Variants in MAST4 observed in about 807,000 individuals in gnomAD.
The protein encoded by MAST4 is microtubule-associated serine/threonine-protein kinase 4.
In MAST4, 89 loss-of-function variants were observed where a neutral mutation model predicts 162.7. The ratio of observed to expected loss-of-function variants is 0.55; its 90% CI spans 0.46 to 0.65. The LOEUF is 0.65. MAST4 is among the 30% of genes least tolerant of loss of function. The pLI is 0.00. For synonymous variants in MAST4, 1,479 were observed against 1,361.1 expected, an observed-to-expected ratio of 1.09 and a Z score of -1.91; for missense variants, 3,153 against 3,374.0, an observed-to-expected ratio of 0.93 and a Z score of 1.62.
intron 1 of MAST4, among the ~76,000 whole-genome samples, chr5:66,670,980 ACAAC>A (rs1389152001): frequency 6.6e-6 from 1 of 152,160 alleles, no homozygotes; most frequent in Non-Finnish European, 1.5e-5. Flanking sequence ...CCTCCTTGAC[ACAAC>A]CATTTTTACA....
chr5:66,613,982 A>C (rs1422520947), intron 1 of MAST4, among the ~76,000 whole-genome samples: 1 of 152,218 alleles, frequency 6.6e-6, no homozygotes, highest in East Asian at 1.9e-4. Flanking sequence ...AGCCATGCAA[A>C]TTTATAAAGC....
chr5:67,135,771 G>A (rs1769558305), intron 18 of MAST4, among the ~76,000 whole-genome samples: 1 of 152,166 alleles, frequency 6.6e-6, no homozygotes, highest in Non-Finnish European at 1.5e-5. Flanking sequence ...GATGCCTTAC[G>A]GCTCAGATGC....
At chr5:66,898,834 C>T (rs1032447320) in intron 3 of MAST4, among the ~76,000 whole-genome samples, 8 of 152,192 alleles carry the variant, frequency 5.3e-5, no homozygotes, top group African/African-American at 1.7e-4. Flanking sequence ...GCTCTCCTCC[C>T]CTCTGGTCTG....
rs182669101 is a variant in MAST4 at position 66,886,707 on chromosome 5, A to G, written c.643-13244A>G. The stretch of plus-strand genomic sequence containing the variant: ...GATCTAGTATGCTTTTTATTTTTCA[A>G]AAGAAGAACTTGGTTAGTGTAATAG... On this transcript the variant is annotated intron_variant, in intron 3 of 28. Coordinates refer to ENST00000403625, the MANE Select transcript of MAST4 (RefSeq NM_001164664.2). 3.3e-5 allele frequency among the ~76,000 whole-genome samples: 5 copies of G among 149,398 alleles called. No individual in the cohort carries two copies. In the Admixed American group the frequency reaches 3.4e-4, roughly 10 times the overall value.
At chr5:66,664,359 CG>C (rs1449230988) in intron 1 of MAST4, among the ~76,000 whole-genome samples, 9 of 147,622 alleles carry the variant, frequency 6.1e-5, no homozygotes, top group African/African-American at 2.3e-4. Context: ...CGCTTGAACC[CG>C]GGCGACGGAG....
chr5:66,970,418 A>G (rs1194486701), intron 4 of MAST4, among the ~76,000 whole-genome samples: 3 of 152,220 alleles, frequency 2.0e-5, no homozygotes, highest in Admixed American at 6.5e-5. Context: ...CTCATCTTCT[A>G]TAAACTTGCA....
At chr5:66,911,573 C>T (rs1001969727) in intron 4 of MAST4, among the ~76,000 whole-genome samples, 2 of 54,506 alleles carry the variant, frequency 3.7e-5, no homozygotes, top group Non-Finnish European at 8.9e-5. Context: ...CCCCCCCCCC[C>T]CCGCAAAAAA....
chr5:67,107,927 C>T (rs1765779139), intron 10 of MAST4, among the ~76,000 whole-genome samples: 1 of 152,182 alleles, frequency 6.6e-6, no homozygotes, highest in Non-Finnish European at 1.5e-5. Context: ...ACAGGGTATC[C>T]GTTAGTGTTT....
rs1458661417 is a variant in MAST4 at position 67,166,072 on chromosome 5, T to C, written c.6893T>C (p.Leu2298Pro). 3 of 1,613,396 alleles carry C rather than the reference T, an allele frequency of 1.9e-6. No individual in the cohort carries two copies. The highest frequency in any genetic ancestry group is 2.5e-6 in the Non-Finnish European group (3 of 1,179,674). Residue 2298 changes from leucine to proline, a missense_variant, in exon 29 of 29, where the codon CTG becomes CCG. Physicochemically the swap from Leu to Pro is moderately conservative, Grantham distance 98. Around this residue, in one of 7 missense-constraint regions of MAST4, gnomAD observed 1,644 missense variants for 1,495.0 expected, o/e 1.10. Coordinates refer to ENST00000403625, the MANE Select transcript of MAST4 (RefSeq NM_001164664.2). The stretch of plus-strand genomic sequence containing the variant: ...AGTGGTGGGCGGCCCCTGGAGGTGC[T>C]GGAGAAGCCTGTGCATTTGCCAAGG... Reference protein sequence around the residue: ...PTSGGRPLEVLEKPVHLPRPG... With the variant: ...PTSGGRPLEVPEKPVHLPRPG...
At position 66,787,198 on chromosome 5, in the gene MAST4, A is replaced by G. The variant is rs74560186; in HGVS notation, c.518-1472A>G. Among the ~76,000 whole-genome samples, 942 of 152,334 alleles carry G rather than the reference A, an allele frequency of 6.2e-3. 8 individuals carry two copies. Among genetic ancestry groups the G allele is most frequent in the African/African-American group, 0.022 (904 of 41,582 alleles). ...ACTTACAAAATTCTCTGATCCCCTC[A>G]ATAACTTTACATAGTCAAGTCTATC... On this transcript the variant is annotated intron_variant, in intron 2 of 28. Transcript: ENST00000403625.
intron 1 of MAST4, among the ~76,000 whole-genome samples, chr5:66,620,668 A>G (rs927092643): frequency 3.3e-5 from 5 of 152,182 alleles, no homozygotes; most frequent in Admixed American, 6.6e-5. Context: ...TGTAGATTTT[A>G]TGAGAAAATA....
intron 4 of MAST4, among the ~76,000 whole-genome samples, chr5:66,925,735 T>C (rs2150059012): frequency 6.6e-6 from 1 of 152,312 alleles, no homozygotes; most frequent in East Asian, 1.9e-4. Context: ...AGGTGTTCCA[T>C]AAATATTTGT....
chr5:66,796,004 A>G (rs1216681454), intron 3 of MAST4, among the ~76,000 whole-genome samples: 1 of 152,208 alleles, frequency 6.6e-6, no homozygotes, highest in Non-Finnish European at 1.5e-5. Context: ...ATGAATTTTC[A>G]TAACTCAGTG....
At chr5:66,920,278 C>T (rs249615) in intron 4 of MAST4, among the ~76,000 whole-genome samples, 2 of 151,652 alleles carry the variant, frequency 1.3e-5, no homozygotes, top group Non-Finnish European at 2.9e-5. Context: ...TCCCTACTCT[C>T]GTTTGAATCA....
intron 4 of MAST4, among the ~76,000 whole-genome samples, chr5:66,944,541 C>G (rs767251283): frequency 2.0e-5 from 3 of 152,060 alleles, no homozygotes; most frequent in Non-Finnish European, 4.4e-5. Context: ...CATAATAAAT[C>G]TCAAATCTCT....
intron 3 of MAST4, among the ~76,000 whole-genome samples, chr5:66,871,956 C>G (rs962393376): frequency 3.9e-5 from 6 of 152,174 alleles, no homozygotes; most frequent in Admixed American, 3.9e-4. Flanking sequence ...TTGACGAAAG[C>G]CTGTTTTTAA....
intron 4 of MAST4, among the ~76,000 whole-genome samples, chr5:66,903,932 G>T (rs1046548466): frequency 6.6e-6 from 1 of 152,242 alleles, no homozygotes; most frequent in Admixed American, 6.5e-5. Flanking sequence ...CTGAGCACAA[G>T]TGGTGATGCC....
chr5:67,088,764 T>C (rs1346606958), intron 5 of MAST4, among the ~76,000 whole-genome samples: 1 of 152,210 alleles, frequency 6.6e-6, no homozygotes, highest in Non-Finnish European at 1.5e-5. Flanking sequence ...TGATTCTCTA[T>C]CCATAAAGAA....
At chr5:67,135,825 AG>A (rs1432429057) in intron 18 of MAST4, among the ~76,000 whole-genome samples, 1 of 152,256 alleles carries the variant, frequency 6.6e-6, no homozygotes, top group Non-Finnish European at 1.5e-5. Context: ...ACTGCAGCAG[AG>A]GAAGCTAGAG....
Sources: allele counts gnomAD v4.1 joint callset (sites outside exome capture counted in the v4.1 genomes callset), GRCh38; gene constraint gnomAD v4.1.1; regional missense constraint gnomAD v4.1.1; transcripts MANE v1.5; gene names NCBI Gene and HGNC (gene_info 2026-07-23, HGNC 2026-07-21).